The following HSD17B12 variants were observed in gnomAD, a reference collection of about 807,000 sequenced individuals.
The protein encoded by HSD17B12 is hydroxysteroid 17-beta dehydrogenase 12.
A neutral mutation model predicts 39.3 loss-of-function variants in HSD17B12; 32 were observed. That is an observed-to-expected ratio of 0.81 (90% confidence interval 0.61 to 1.09). HSD17B12 has a LOEUF of 1.09. Ranked by LOEUF, HSD17B12 falls within the 50% of genes least tolerant of loss-of-function variation. HSD17B12 has a pLI of 0.00. For missense variants in HSD17B12, 342 were observed against 382.9 expected (o/e 0.89, Z 0.89); for synonymous variants, 150 against 146.7 (o/e 1.02, Z -0.16).
At chr11:43,633,768 A>G in the HSD17B12 span, among the ~76,000 whole-genome samples, 1 of 151,944 alleles carries the variant, frequency 6.6e-6, no homozygotes, top group Non-Finnish European at 1.5e-5. Context: ...TCCCTTGTCC[A>G]CATCAGTTTT....
chr11:43,594,527 CTTTTTTT>C, the HSD17B12 span, among the ~76,000 whole-genome samples: 1 of 144,182 alleles, frequency 6.9e-6, no homozygotes, highest in East Asian at 2.0e-4. Context: ...TTTCTTTTCT[CTTTTTTT>C]TTTTTCCTTC....
At chr11:43,618,762 C>T in the HSD17B12 span, among the ~76,000 whole-genome samples, 1 of 152,094 alleles carries the variant, frequency 6.6e-6, no homozygotes, top group Non-Finnish European at 1.5e-5. Context: ...GAAACATCAT[C>T]ATCAGTTTCT....
the HSD17B12 span, among the ~76,000 whole-genome samples, chr11:43,598,651 C>T: frequency 1.3e-5 from 2 of 152,132 alleles, no homozygotes; most frequent in Non-Finnish European, 2.9e-5. Flanking sequence ...TCCCTAAGCC[C>T]TCTTCCTCTC....
chr11:43,806,202 A>T (rs1951016613), intron 4 of HSD17B12: 1 of 152,182 alleles, frequency 6.6e-6, no homozygotes, highest in Non-Finnish European at 1.5e-5. Flanking sequence ...ATCATTGGCC[A>T]TGTGGTTTAA....
At chr11:43,795,916 G>GGGAT (rs903895168) in intron 3 of HSD17B12, among the ~76,000 whole-genome samples, 18 of 152,220 alleles carry the variant, frequency 1.2e-4, no homozygotes, top group African/African-American at 4.1e-4. Flanking sequence ...AGTGCTGGGG[G>GGGAT]GGATGGTTGC....
the HSD17B12 span, among the ~76,000 whole-genome samples, chr11:43,564,987 T>C: frequency 1.3e-5 from 2 of 150,914 alleles, no homozygotes; most frequent in African/African-American, 4.9e-5. Flanking sequence ...GCAACCTCCG[T>C]CTCCTGGGTT....
the HSD17B12 span, among the ~76,000 whole-genome samples, chr11:43,631,640 T>C: frequency 1.1e-4 from 17 of 151,692 alleles, 1 homozygote; most frequent in African/African-American, 4.1e-4. Flanking sequence ...TGTCGCTCTC[T>C]GTCTCTCTCT....
At chr11:43,669,375 C>G in the HSD17B12 span, among the ~76,000 whole-genome samples, 1 of 152,060 alleles carries the variant, frequency 6.6e-6, no homozygotes, top group Non-Finnish European at 1.5e-5. Context: ...GTGGCAGGCA[C>G]CTGTAATCCC....
chr11:43,660,483 T>C, the HSD17B12 span, among the ~76,000 whole-genome samples: 1 of 152,200 alleles, frequency 6.6e-6, no homozygotes, highest in African/African-American at 2.4e-5. Context: ...ATTAATATGA[T>C]TGAATTAACT....
chr11:43,811,451 T>A (rs867451724), intron 4 of HSD17B12, among the ~76,000 whole-genome samples: 4 of 152,322 alleles, frequency 2.6e-5, no homozygotes, highest in African/African-American at 9.6e-5. Context: ...GACTCAGTGC[T>A]CTTAACAGCC....
chr11:43,606,166 G>A, the HSD17B12 span, among the ~76,000 whole-genome samples: 2 of 152,242 alleles, frequency 1.3e-5, no homozygotes, highest in Non-Finnish European at 2.9e-5. Context: ...CATGAAAGGA[G>A]TAGTGTAGTA....
At chr11:43,673,472 CT>C in the HSD17B12 span, 1 of 54,244 alleles carries the variant, frequency 1.8e-5, no homozygotes, top group Non-Finnish European at 4.1e-5. Context: ...TTTTTCTTTT[CT>C]TTTCTTTTCT....
intron 3 of HSD17B12, among the ~76,000 whole-genome samples, chr11:43,789,970 G>A (rs1299835458): frequency 6.6e-6 from 1 of 152,094 alleles, no homozygotes; most frequent in Non-Finnish European, 1.5e-5. Context: ...AGAGAGAGAA[G>A]CGTGACTGTC....
intron 3 of HSD17B12, among the ~76,000 whole-genome samples, chr11:43,786,431 C>T (rs762637760): frequency 1.4e-4 from 21 of 152,132 alleles, no homozygotes; most frequent in Non-Finnish European, 8.8e-5. Flanking sequence ...CCAATACAGC[C>T]GGGTGCCACT....
the HSD17B12 span, among the ~76,000 whole-genome samples, chr11:43,563,232 T>C: frequency 1.3e-5 from 2 of 152,168 alleles, no homozygotes; most frequent in African/African-American, 4.8e-5. Context: ...GATCCAGTGA[T>C]AACTAAAACA....
chr11:43,573,386 G>C, the HSD17B12 span, among the ~76,000 whole-genome samples: 1 of 152,172 alleles, frequency 6.6e-6, no homozygotes, highest in Non-Finnish European at 1.5e-5. Context: ...TGTTTCTGCG[G>C]AGCTTCCAAG....
At chr11:43,656,443 C>A in the HSD17B12 span, among the ~76,000 whole-genome samples, 1 of 152,090 alleles carries the variant, frequency 6.6e-6, no homozygotes, top group Non-Finnish European at 1.5e-5. Context: ...CTTCTGCTAG[C>A]TTTTGAATGT....
chr11:43,742,028 C>T (rs555430065), intron 1 of HSD17B12, among the ~76,000 whole-genome samples: 1 of 149,194 alleles, frequency 6.7e-6, no homozygotes, highest in African/African-American at 2.4e-5. Flanking sequence ...GCCACCGCGC[C>T]CGGCAACTGA....
chr11:43,833,180 A>T (rs1053729809), intron 7 of HSD17B12: 3 of 152,200 alleles, frequency 2.0e-5, no homozygotes, highest in Non-Finnish European at 4.4e-5. Context: ...ATATATGTGG[A>T]TGTTATGAAT....
Sources: gnomAD v4.1 joint callset for allele counts (sites outside exome capture counted in the v4.1 genomes callset) on GRCh38, gnomAD v4.1.1 for gene constraint, MANE v1.5 for transcripts, NCBI Gene and HGNC (gene_info 2026-07-23, HGNC 2026-07-21) for gene names.